The following KLC1 variants were observed in gnomAD, a reference collection of about 807,000 sequenced individuals.
KLC1 encodes the protein kinesin light chain 1.
KLC1 carries 30 observed loss-of-function variants against 84.2 expected under a neutral mutation model. That is an observed-to-expected ratio of 0.36 (90% confidence interval 0.27 to 0.48). The LOEUF is 0.48. KLC1 is among the 20% of genes least tolerant of loss of function. The probability of loss-of-function intolerance (pLI) is 0.99; values close to 1 mark genes in which losing one functional copy is unlikely to be tolerated. For missense variants in KLC1, 499 were observed against 805.4 expected (o/e 0.62, Z 4.60); for synonymous variants, 289 against 293.3 (o/e 0.99, Z 0.15).
intron 13 of KLC1, chr14:103,685,227 C>G: frequency 7.1e-7 from 1 of 1,413,242 alleles, no homozygotes; most frequent in South Asian, 1.6e-5. Context: ...TCTGAAATGT[C>G]TAAAATGTGT....
chr14:103,685,611 GTT>G (rs1373340894), intron 13 of KLC1: 1 of 1,289,294 alleles, frequency 7.8e-7, no homozygotes, highest in Non-Finnish European at 1.0e-6. Flanking sequence ...TTTCACGTGG[GTT>G]TTCTCTCTCC....
chr14:103,673,423 C>T lies in KLC1; in HGVS notation c.1253C>T (p.Ser418Phe), dbSNP rs984968113. 6.3e-7 allele frequency: 1 copy of T among 1,594,952 alleles called. No individual in the cohort carries two copies. The highest frequency in any genetic ancestry group is 1.4e-5 in the African/African-American group (1 of 73,942). The change falls in exon 9 of 17, where the codon TCT (serine) becomes TTT (phenylalanine). Residue 418 changes from serine (S) to phenylalanine (F), a missense_variant. Ser to Phe is a radical substitution (Grantham distance 155). Transcript: ENST00000334553. The part of the protein sequence containing the change: ...LTRAHEREFG[S>F]VDDENKPIWM... ...CGTGCACATGAAAGGGAGTTTGGTT[C>T]TGTAGATGGTAAGAAATATACTCCC...
intron 13 of KLC1, chr14:103,686,319 G>C (rs1439256484): frequency 1.6e-6 from 1 of 634,222 alleles, no homozygotes; most frequent in African/African-American, 2.0e-5. Flanking sequence ...TGGGGTGACA[G>C]TTCATCTCAC....
chr14:103,699,597 G>A (rs756184965), intron 15 of KLC1: 1 of 1,611,986 alleles, frequency 6.2e-7, no homozygotes, highest in Non-Finnish European at 8.5e-7. Context: ...AGCTGTCATT[G>A]TCTATGCTGG....
chr14:103,646,722 G>C (rs2077966712), intron 1 of KLC1, among the ~76,000 whole-genome samples: 2 of 151,834 alleles, frequency 1.3e-5, no homozygotes, highest in Admixed American at 1.3e-4. Context: ...CGATGTTTCT[G>C]CTTCAGCCTC....
At chr14:103,686,971 T>C in intron 13 of KLC1, 110 bp from the exon 14 acceptor site, 4 of 668,012 alleles carry the variant, frequency 6.0e-6, no homozygotes, top group Non-Finnish European at 1.0e-5. Flanking sequence ...AGCAGTGAGC[T>C]GCTGGCAAGC....
At chr14:103,634,619 A>G (rs1035987759) in intron 1 of KLC1, among the ~76,000 whole-genome samples, 1 of 152,164 alleles carries the variant, frequency 6.6e-6, no homozygotes, top group Non-Finnish European at 1.5e-5. Flanking sequence ...GGGTCCTGGG[A>G]AACCAAGAGA....
At chr14:103,691,806 C>G (rs1436278955) in intron 14 of KLC1, among the ~76,000 whole-genome samples, 1 of 148,262 alleles carries the variant, frequency 6.7e-6, no homozygotes, top group Non-Finnish European at 1.5e-5. Flanking sequence ...GGGTCTTGCT[C>G]TGTCTCCCAG....
chr14:103,638,139 T>C (rs1017689062), intron 1 of KLC1, among the ~76,000 whole-genome samples: 1 of 152,140 alleles, frequency 6.6e-6, no homozygotes, highest in Admixed American at 6.6e-5. Context: ...TGGCCAGCAC[T>C]GCCAGGGTTT....
intron 9 of KLC1, among the ~76,000 whole-genome samples, 161 bp downstream of exon 9, chr14:103,673,592 C>T (rs1465121705): frequency 1.3e-5 from 2 of 152,182 alleles, no homozygotes; most frequent in Non-Finnish European, 2.9e-5. Context: ...TCACAGCAGT[C>T]TTGTGCAGCG....
At chr14:103,642,505 A>G (rs1567009186) in intron 1 of KLC1, among the ~76,000 whole-genome samples, 1 of 152,212 alleles carries the variant, frequency 6.6e-6, no homozygotes, top group African/African-American at 2.4e-5. Flanking sequence ...GAGAAAGACT[A>G]CTGGCTCCCA....
In KLC1 at chr14:103,670,164, T is replaced by TC. The variant is rs1423092670; in HGVS notation, c.886-18_886-17insC. ...GGTTATCTTTTACCATTCTTAGTGG[T>TC]TCTCTCTGTGTTGACAGGTGGCGGC... On this transcript the variant is annotated splice_polypyrimidine_tract_variant and intron_variant, in intron 6 of 16. Transcript: ENST00000334553. The TC allele has an allele frequency of 6.3e-7, 1 of 1,581,110 alleles. No homozygotes were observed.
intron 14 of KLC1, among the ~76,000 whole-genome samples, chr14:103,689,656 A>G (rs1477497552): frequency 6.7e-6 from 1 of 150,296 alleles, no homozygotes; most frequent in Non-Finnish European, 1.5e-5. Flanking sequence ...AAGTTCCCAC[A>G]GTGCTGGGGC....
intron 5 of KLC1, among the ~76,000 whole-genome samples, chr14:103,664,399 GTC>G (rs1376328364): frequency 2.6e-5 from 4 of 151,924 alleles, no homozygotes; most frequent in Non-Finnish European, 4.4e-5. Flanking sequence ...TGATCCTTCT[GTC>G]TCGGCCTCCC....
At chr14:103,695,637 A>G (rs2082404599) in intron 15 of KLC1, 1 of 985,454 alleles carries the variant, frequency 1.0e-6, no homozygotes, top group Non-Finnish European at 1.2e-6. Flanking sequence ...AGGAATAAAC[A>G]TAGGGCTGAA....
At chr14:103,638,776 T>C (rs1365561421) in intron 1 of KLC1, among the ~76,000 whole-genome samples, 1 of 151,390 alleles carries the variant, frequency 6.6e-6, no homozygotes, top group African/African-American at 2.4e-5. Context: ...GTGGTGTGTA[T>C]GTATGAACAC....
At chr14:103,673,543 C>A in intron 9 of KLC1, 112 bp downstream of exon 9, 1 of 661,772 alleles carries the variant, frequency 1.5e-6, no homozygotes, top group Non-Finnish European at 2.5e-6. Context: ...TTGTACATCA[C>A]TAAGCTAAAT....
intron 8 of KLC1, 42 bp from the exon 9 acceptor site, chr14:103,673,290 C>T (rs765139574): frequency 1.9e-6 from 3 of 1,544,626 alleles, no homozygotes; most frequent in Non-Finnish European, 1.7e-6. Context: ...GCTTTATTTA[C>T]ATCTGAAAGA....
At chr14:103,647,670 G>C (rs1446346101) in intron 1 of KLC1, among the ~76,000 whole-genome samples, 1 of 151,848 alleles carries the variant, frequency 6.6e-6, no homozygotes, top group South Asian at 2.1e-4. Flanking sequence ...AAGGTCAAGA[G>C]ATCAAGACCA....
Sources: gnomAD v4.1 joint callset for allele counts (sites outside exome capture counted in the v4.1 genomes callset) on GRCh38, gnomAD v4.1.1 for gene constraint, MANE v1.5 for transcripts, NCBI Gene and HGNC (gene_info 2026-07-23, HGNC 2026-07-21) for gene names.